Variants in HDAC9 observed in about 807,000 individuals in gnomAD.
HDAC9 encodes histone deacetylase 9.
In HDAC9, 41 loss-of-function variants were observed where a neutral mutation model predicts 139.4. The observed-to-expected ratio is 0.29, with a 90% CI of 0.23 to 0.38. The LOEUF is 0.38. Ranked by LOEUF, HDAC9 falls within the 10% of genes least tolerant of loss-of-function variation. The pLI is 1.00. For synonymous variants in HDAC9, 517 were observed against 476.2 expected (o/e 1.09, Z -1.12); for missense variants, 1,147 against 1,297.0 (o/e 0.88, Z 1.78).
chr7:18,920,567 G>C (rs552555225), intron 22 of HDAC9, among the ~76,000 whole-genome samples: 1 of 151,902 alleles, frequency 6.6e-6, no homozygotes, highest in African/African-American at 2.4e-5. Context: ...TCCCTGTCTT[G>C]TGCCAGTTTT....
intron 6 of HDAC9, among the ~76,000 whole-genome samples, chr7:18,594,903 T>C (rs893029243): frequency 5.3e-5 from 8 of 152,104 alleles, no homozygotes; most frequent in African/African-American, 9.6e-5. Flanking sequence ...TGGTCTATTG[T>C]ATTTGACTCA....
At chr7:18,978,212 C>G (rs139178239) in intron 25 of HDAC9, among the ~76,000 whole-genome samples, 106 of 152,100 alleles carry the variant, frequency 7.0e-4, no homozygotes, top group African/African-American at 2.5e-3. Context: ...GAAATTCTTG[C>G]CAGTTATTTT....
chr7:18,763,350 A>C (rs1034965998), intron 15 of HDAC9, among the ~76,000 whole-genome samples: 9 of 152,240 alleles, frequency 5.9e-5, no homozygotes, highest in African/African-American at 2.2e-4. Flanking sequence ...ATGAGTGAGC[A>C]TAAATATGCC....
At chr7:18,638,822 T>C (rs202035338) in intron 8 of HDAC9, among the ~76,000 whole-genome samples, 4 of 152,230 alleles carry the variant, frequency 2.6e-5, no homozygotes, top group East Asian at 3.9e-4. Flanking sequence ...TTGTTGGAGC[T>C]ACTTGCTTTA....
intron 12 of HDAC9, among the ~76,000 whole-genome samples, chr7:18,682,499 A>G (rs1314614719): frequency 1.3e-5 from 2 of 152,026 alleles, no homozygotes; most frequent in Non-Finnish European, 2.9e-5. Flanking sequence ...TATCCATCCA[A>G]GAAAATTTGT....
chr7:18,840,874 T>C (rs1562979702), intron 21 of HDAC9, among the ~76,000 whole-genome samples: 1 of 152,140 alleles, frequency 6.6e-6, no homozygotes, highest in Non-Finnish European at 1.5e-5. Flanking sequence ...GAGTCTTTAA[T>C]ATAAGAATCA....
At chr7:18,113,119 A>T (rs1442038438) in intron 1 of HDAC9, among the ~76,000 whole-genome samples, 1 of 152,248 alleles carries the variant, frequency 6.6e-6, no homozygotes, top group Non-Finnish European at 1.5e-5. Flanking sequence ...AATGATAAAC[A>T]TAAGATGTGA....
At chr7:18,513,808 C>A (rs1443930212) in intron 2 of HDAC9, among the ~76,000 whole-genome samples, 3 of 152,138 alleles carry the variant, frequency 2.0e-5, no homozygotes, top group Non-Finnish European at 4.4e-5. Flanking sequence ...TTCCCTAAAC[C>A]AGATCATATC....
intron 2 of HDAC9, among the ~76,000 whole-genome samples, chr7:18,530,099 G>A (rs1203836316): frequency 6.6e-6 from 1 of 151,706 alleles, no homozygotes; most frequent in Non-Finnish European, 1.5e-5. Context: ...GGGCAACAAA[G>A]CAAGATCCAG....
chr7:18,270,507 G>T (rs1796287377), intron 2 of HDAC9, among the ~76,000 whole-genome samples: 1 of 152,080 alleles, frequency 6.6e-6, no homozygotes, highest in Non-Finnish European at 1.5e-5. Context: ...GTGGGATATG[G>T]TACATTTCTT....
At chr7:18,453,399 G>A (rs1224712157) in intron 1 of HDAC9, among the ~76,000 whole-genome samples, 2 of 152,248 alleles carry the variant, frequency 1.3e-5, no homozygotes, top group Admixed American at 6.5e-5. Flanking sequence ...TTAATAGGCT[G>A]CTGCAAGCAC....
At chr7:18,771,260 G>C (rs1440867415) in intron 16 of HDAC9, among the ~76,000 whole-genome samples, 1 of 152,050 alleles carries the variant, frequency 6.6e-6, no homozygotes, top group African/African-American at 2.4e-5. Context: ...CTTTTACTCT[G>C]TTCATATTCT....
At chr7:18,804,107 G>A (rs541796848) in intron 17 of HDAC9, among the ~76,000 whole-genome samples, 2 of 152,346 alleles carry the variant, frequency 1.3e-5, no homozygotes, top group Non-Finnish European at 2.9e-5. Context: ...GGAAGGCTGA[G>A]CAAGAAGGCT....
intron 1 of HDAC9, among the ~76,000 whole-genome samples, chr7:18,088,305 A>G (rs1781927571): frequency 1.3e-5 from 2 of 152,202 alleles, no homozygotes; most frequent in South Asian, 4.1e-4. Context: ...TTTCTCCCCA[A>G]ATGGTATAAC....
chr7:18,574,671 C>A (rs1325311157), intron 2 of HDAC9, among the ~76,000 whole-genome samples: 1 of 152,254 alleles, frequency 6.6e-6, no homozygotes, highest in Non-Finnish European at 1.5e-5. Flanking sequence ...ATCTCCCACT[C>A]ATGCTCTTTG....
chr7:18,111,917 C>T (rs1783645826), intron 1 of HDAC9, among the ~76,000 whole-genome samples: 1 of 152,210 alleles, frequency 6.6e-6, no homozygotes, highest in East Asian at 1.9e-4. Flanking sequence ...GTATTTCCTG[C>T]CAGTGGTGTG....
At chr7:18,730,026 T>G (rs2129131186) in intron 13 of HDAC9, among the ~76,000 whole-genome samples, 1 of 152,364 alleles carries the variant, frequency 6.6e-6, no homozygotes, top group East Asian at 1.9e-4. Flanking sequence ...GGAATATTTG[T>G]TAGCTCATTT....
intron 13 of HDAC9, among the ~76,000 whole-genome samples, chr7:18,728,475 C>A (rs1293743678): frequency 6.6e-6 from 1 of 151,620 alleles, no homozygotes; most frequent in Non-Finnish European, 1.5e-5. Flanking sequence ...TGCAAAGGAA[C>A]AGTGCTGTAC....
intron 2 of HDAC9, 158 bp from the exon 3 acceptor site, chr7:18,585,123 G>C (rs1187668394): frequency 3.7e-6 from 3 of 811,968 alleles, no homozygotes; most frequent in Non-Finnish European, 6.0e-6. Flanking sequence ...ATGTACAAAT[G>C]ACTTTATATC....
Sources: allele counts gnomAD v4.1 joint callset (sites outside exome capture counted in the v4.1 genomes callset), GRCh38; gene constraint gnomAD v4.1.1; transcripts MANE v1.5; gene names NCBI Gene and HGNC (gene_info 2026-07-23, HGNC 2026-07-21).